The following SDR42E2 variants were observed in gnomAD, a reference collection of about 807,000 sequenced individuals.
SDR42E2 encodes the protein putative short-chain dehydrogenase/reductase family 42E member 2.
A neutral mutation model predicts 10.5 loss-of-function variants in SDR42E2; 20 were observed. The ratio of observed to expected loss-of-function variants is 1.90; its 90% confidence interval spans 1.34 to 2.77. The LOEUF is 2.77. SDR42E2 is among the 30% of genes most tolerant of loss of function. SDR42E2 has a pLI of 0.00. For synonymous variants in SDR42E2, 72 were observed against 39.2 expected (o/e 1.84, Z -3.12); for missense variants, 162 against 104.2 (o/e 1.55, Z -2.42).
At chr16:22,175,781 TCAGGCATTCAAGACCAGC>T (rs1303312238) in intron 7 of SDR42E2, among the ~76,000 whole-genome samples, 9 of 151,988 alleles carry the variant, frequency 5.9e-5, no homozygotes, top group Admixed American at 5.9e-4. Flanking sequence ...TCACCTGAGG[TCAGGCATTCAAGACCAGC>T]CTGGCCAACA....
chr16:22,184,577 G>C (rs2046722614), intron 11 of SDR42E2, among the ~76,000 whole-genome samples: 1 of 152,192 alleles, frequency 6.6e-6, no homozygotes, highest in Non-Finnish European at 1.5e-5. Context: ...ACTCCAGACT[G>C]GGTGACAGAG....
chr16:22,185,387 C>T (rs768261313), intron 11 of SDR42E2, among the ~76,000 whole-genome samples: 78 of 152,234 alleles, frequency 5.1e-4, no homozygotes, highest in African/African-American at 1.5e-3. Context: ...ACAGCATTGC[C>T]GCAGTGATTG....
In SDR42E2 at chr16:22,172,105, AC is replaced by A. The variant is rs916671670; in HGVS notation, c.514-148del. ...CTGGAAGGAGATGCACTGTTCTCCC[AC>A]CCAGGGGGAGAGGAAAGGCCATGGG... is the stretch of plus-strand genomic sequence containing the variant. On this transcript the variant is annotated intron_variant, in intron 6 of 12. Coordinates refer to ENST00000602312, the MANE Select transcript of SDR42E2 (RefSeq NM_001394319.2). 4.8e-6 allele frequency: 3 copies of A among 627,842 alleles called. No homozygotes were observed. In the African/African-American group the frequency reaches 5.4e-5, roughly 11 times the overall value. The allele number at this position is 627,842 out of a possible 1,614,324, so 38.9% of individuals were successfully genotyped here.
chr16:22,187,694 CATA>C (rs1172046927), intron 12 of SDR42E2, among the ~76,000 whole-genome samples: 2 of 151,832 alleles, frequency 1.3e-5, no homozygotes, highest in African/African-American at 2.4e-5. Context: ...ATACTATTCT[CATA>C]ATAATGATGA....
intron 7 of SDR42E2, among the ~76,000 whole-genome samples, chr16:22,175,276 A>T (rs753637700): frequency 6.6e-6 from 1 of 152,012 alleles, no homozygotes; most frequent in Non-Finnish European, 1.5e-5. Context: ...CCCGGGCAAC[A>T]TGGCAAAACT....
rs1320377450 is a variant in SDR42E2, at chr16:22,166,966, C to T, written c.303C>T (p.His101=). 9 of 702,240 alleles carry T rather than the reference C, an allele frequency of 1.3e-5. No homozygotes were observed. The highest frequency in any genetic ancestry group is 6.0e-5 in the Admixed American group (3 of 49,926). The allele number at this position is 702,240 out of a possible 1,614,324, so 43.5% of individuals were successfully genotyped here. Reference sequence around the variant, plus strand: ...TCGAAGGGGTGGACTGTGTCTTCCACGTGGCTTCCTATGGAATGTCCGGGG... The same window carrying T: ...TCGAAGGGGTGGACTGTGTCTTCCATGTGGCTTCCTATGGAATGTCCGGGG... ...RAFEGVDCVF[H]VASYGMSGAE... is the part of the protein sequence containing the mutation. The change falls in exon 4 of 13, where the codon CAC becomes CAT. Residue 101 remains histidine, a synonymous_variant. Coordinates refer to ENST00000602312, the MANE Select transcript of SDR42E2 (RefSeq NM_001394319.2).
At chr16:22,180,625 C>G (rs542144881) in intron 8 of SDR42E2, among the ~76,000 whole-genome samples, 1 of 152,224 alleles carries the variant, frequency 6.6e-6, no homozygotes, top group African/African-American at 2.4e-5. Context: ...ATCGCTTGAG[C>G]CCGGGAGTTC....
intron 7 of SDR42E2, among the ~76,000 whole-genome samples, chr16:22,175,008 T>C (rs922688640): frequency 6.6e-6 from 1 of 152,266 alleles, no homozygotes; most frequent in Middle Eastern, 3.4e-3. Flanking sequence ...TTCTTCTGAC[T>C]CGGCGCAGAG....
chr16:22,178,197 C>A lies in SDR42E2; in HGVS notation c.657C>A (p.His219Gln). Residue 219 changes from histidine (H) to glutamine (Q), a missense_variant, in exon 8 of 13, where the codon CAC becomes CAA. By Grantham distance (24) the His-to-Gln change is conservative. Coordinates refer to ENST00000602312, the MANE Select transcript of SDR42E2 (RefSeq NM_001394319.2). ...PGIYGPEEQRHLPRVAGHIKK... is the reference protein window; with the variant it reads ...PGIYGPEEQRQLPRVAGHIKK... Reference sequence around the variant, plus strand: ...TCTACGGCCCTGAAGAGCAGAGGCACCTGCCCCGTGTGGCGGTACGTCATC... The same window carrying A: ...TCTACGGCCCTGAAGAGCAGAGGCAACTGCCCCGTGTGGCGGTACGTCATC... 1.4e-6 allele frequency: 1 copy of A among 702,848 alleles called. No individual in the cohort carries two copies. The highest frequency in any genetic ancestry group is 1.7e-5 in the African/African-American group (1 of 57,374). The allele number at this position is 702,848 out of a possible 1,614,324, so 43.5% of individuals were successfully genotyped here.
chr16:22,190,557 C>G lies in SDR42E2; in HGVS notation c.*164C>G, dbSNP rs2046767359. The G allele has an allele frequency of 2.5e-6, 1 of 399,498 alleles. No individual in the cohort carries two copies. Among genetic ancestry groups the G allele is most frequent in the Non-Finnish European group, 4.4e-6 (1 of 226,622 alleles). The allele number at this position is 399,498 out of a possible 1,614,324, so 24.7% of individuals were successfully genotyped here. On this transcript the variant is annotated 3_prime_UTR_variant, in exon 13 of 13. Coordinates refer to ENST00000602312, the MANE Select transcript of SDR42E2 (RefSeq NM_001394319.2). ...CCCCCGAGCCGCTCTCCAGACCTAGCCCGGACCGCCGACTTCTGGCCACGC... is the reference window on the plus strand; with the variant it reads ...CCCCCGAGCCGCTCTCCAGACCTAGGCCGGACCGCCGACTTCTGGCCACGC...
At chr16:22,176,733 G>A (rs1027321164) in intron 7 of SDR42E2, among the ~76,000 whole-genome samples, 1 of 152,148 alleles carries the variant, frequency 6.6e-6, no homozygotes, top group Non-Finnish European at 1.5e-5. Flanking sequence ...AGTAGTAGGT[G>A]TTCTTAAGAC....
intron 10 of SDR42E2, among the ~76,000 whole-genome samples, chr16:22,182,594 C>T (rs1020175099): frequency 2.0e-5 from 3 of 152,136 alleles, no homozygotes; most frequent in African/African-American, 7.2e-5. Flanking sequence ...GTGATCCACC[C>T]ACCTCGACCT....
chr16:22,165,964 G>T (rs999130330), intron 2 of SDR42E2, among the ~76,000 whole-genome samples: 9 of 151,996 alleles, frequency 5.9e-5, no homozygotes, highest in Admixed American at 2.6e-4. Flanking sequence ...GTCCGTACCT[G>T]GGCCAGGAGC....
intron 11 of SDR42E2, 49 bp downstream of exon 11, chr16:22,184,293 C>G (rs1320265751): frequency 2.5e-6 from 1 of 400,226 alleles, no homozygotes; most frequent in Admixed American, 4.4e-5. Flanking sequence ...CCAGGTGTAC[C>G]TTGCATTGCC....
At chr16:22,189,575 G>A (rs746424121) in intron 12 of SDR42E2, among the ~76,000 whole-genome samples, 1 of 152,208 alleles carries the variant, frequency 6.6e-6, no homozygotes, top group Non-Finnish European at 1.5e-5. Flanking sequence ...CCATCTGGCA[G>A]CAGGGGAAAC....
chr16:22,170,463 G>A (rs1041062885), intron 5 of SDR42E2, among the ~76,000 whole-genome samples: 3 of 152,186 alleles, frequency 2.0e-5, no homozygotes, highest in Non-Finnish European at 4.4e-5. Context: ...GCCTTATCCC[G>A]TATGTCTTTG....
chr16:22,188,997 A>C (rs1380872842), intron 12 of SDR42E2, among the ~76,000 whole-genome samples: 1 of 152,122 alleles, frequency 6.6e-6, no homozygotes, highest in African/African-American at 2.4e-5. Context: ...TCCAGTGCAC[A>C]CAGAAGGGGC....
At position 22,181,508 on chromosome 16, in the gene SDR42E2, C is replaced by G. The variant is rs1365993775; in HGVS notation, c.673-11C>G. The stretch of plus-strand genomic sequence containing the variant: ...ACACAAGCCTGTTTATCACCCACTC[C>G]TCTCCACCAGGGCCACATCAAGAAG... On this transcript the variant is annotated splice_polypyrimidine_tract_variant and intron_variant, in intron 8 of 12. Coordinates refer to ENST00000602312, the MANE Select transcript of SDR42E2 (RefSeq NM_001394319.2). 1 of 703,056 alleles carries G rather than the reference C, an allele frequency of 1.4e-6. No homozygotes were observed. The highest frequency in any genetic ancestry group is 2.6e-6 in the Non-Finnish European group (1 of 384,992). 43.6% of individuals were successfully genotyped at this position (703,056 alleles called of 1,614,324 possible).
chr16:22,173,155 G>A (rs1341609269), intron 7 of SDR42E2, among the ~76,000 whole-genome samples: 1 of 152,070 alleles, frequency 6.6e-6, no homozygotes, highest in East Asian at 1.9e-4. Flanking sequence ...TATTTCTTGA[G>A]TGCACACTAC....
Sources: allele counts gnomAD v4.1 joint callset (sites outside exome capture counted in the v4.1 genomes callset), GRCh38; gene constraint gnomAD v4.1.1; transcripts MANE v1.5; gene names NCBI Gene and HGNC (gene_info 2026-07-23, HGNC 2026-07-21).